Variants in RBPJ observed in about 807,000 individuals in gnomAD.
RBPJ encodes recombination signal binding protein for immunoglobulin kappa J region.
RBPJ carries 9 observed loss-of-function variants against 67.8 expected under a neutral mutation model. The ratio of observed to expected loss-of-function variants is 0.13; its 90% CI spans 0.08 to 0.23. RBPJ has a LOEUF of 0.23. RBPJ is among the 10% of genes least tolerant of loss of function. The pLI is 1.00. For synonymous variants in RBPJ, 198 were observed against 203.3 expected (o/e 0.97, Z 0.22); for missense variants, 305 against 595.6 (o/e 0.51, Z 5.08).
chr4:26,221,417 C>T (rs1344222638), intron 1 of RBPJ, among the ~76,000 whole-genome samples: 4 of 152,150 alleles, frequency 2.6e-5, no homozygotes, highest in Non-Finnish European at 5.9e-5. Flanking sequence ...GGGAAGAATT[C>T]TAGTTTGCTG....
chr4:26,237,313 AAC>A (rs1719484334), intron 1 of RBPJ, among the ~76,000 whole-genome samples: 1 of 152,070 alleles, frequency 6.6e-6, no homozygotes, highest in South Asian at 2.1e-4. Context: ...TGTCCTGGGA[AAC>A]ACTACTGCAA....
At chr4:26,425,863 C>T (rs1363957418) in intron 7 of RBPJ, among the ~76,000 whole-genome samples, 2 of 151,894 alleles carry the variant, frequency 1.3e-5, no homozygotes, top group African/African-American at 4.8e-5. Flanking sequence ...CTTTTTGGTG[C>T]AATATTCCAC....
intron 1 of RBPJ, among the ~76,000 whole-genome samples, chr4:26,183,807 T>C (rs1193606062): frequency 6.6e-6 from 1 of 151,976 alleles, no homozygotes; most frequent in Non-Finnish European, 1.5e-5. Context: ...GGTCAGGAGT[T>C]TGAGACCAGC....
chr4:26,239,302 A>G (rs1249589786), intron 1 of RBPJ, among the ~76,000 whole-genome samples: 1 of 152,210 alleles, frequency 6.6e-6, no homozygotes, highest in Non-Finnish European at 1.5e-5. Context: ...GAGCAGGTTT[A>G]AGGAACAATC....
intron 1 of RBPJ, among the ~76,000 whole-genome samples, chr4:26,292,660 G>A (rs1031050553): frequency 1.3e-5 from 2 of 150,388 alleles, no homozygotes; most frequent in Non-Finnish European, 3.0e-5. Flanking sequence ...GACCTCAAGT[G>A]AGCCACCTGC....
At chr4:26,409,592 T>A (rs1577638701) in intron 3 of RBPJ, among the ~76,000 whole-genome samples, 1 of 152,142 alleles carries the variant, frequency 6.6e-6, no homozygotes, top group Non-Finnish European at 1.5e-5. Flanking sequence ...CTCTGCCTCC[T>A]GGGTTCAAAT....
At chr4:26,301,074 T>C (rs554386077) in intron 1 of RBPJ, among the ~76,000 whole-genome samples, 61 of 152,346 alleles carry the variant, frequency 4.0e-4, no homozygotes, top group African/African-American at 1.5e-3. Context: ...GCTGATCCAA[T>C]GACTACTTTG....
At chr4:26,147,911 G>A in the RBPJ span, among the ~76,000 whole-genome samples, 3 of 152,192 alleles carry the variant, frequency 2.0e-5, no homozygotes, top group Non-Finnish European at 2.9e-5. Flanking sequence ...CTCAAAGTAT[G>A]GCTCCTGACC....
At chr4:26,419,675 C>A (rs1258666439) in intron 4 of RBPJ, among the ~76,000 whole-genome samples, 1 of 152,154 alleles carries the variant, frequency 6.6e-6, no homozygotes, top group East Asian at 1.9e-4. Flanking sequence ...GTTTCAGCAT[C>A]ATTTATCTTA....
At chr4:26,168,906 TG>T (rs1489281197) in intron 1 of RBPJ, among the ~76,000 whole-genome samples, 5 of 152,232 alleles carry the variant, frequency 3.3e-5, no homozygotes, top group Non-Finnish European at 7.3e-5. Context: ...TCTCAAGCCT[TG>T]GCTTTCAGCT....
rs73121171 is a variant in RBPJ at position 26,378,425 on chromosome 4, C to T, written c.21-7928C>T. On this transcript the variant is annotated intron_variant, in intron 1 of 10. Coordinates refer to ENST00000355476, the MANE Select transcript of RBPJ (RefSeq NM_015874.6). ...TTCATATGAGAAGTTAATGGAGACCCGTATTCTCACAGCTTACTTGTGCTG... is the reference window on the plus strand; with the variant it reads ...TTCATATGAGAAGTTAATGGAGACCTGTATTCTCACAGCTTACTTGTGCTG... 2.8e-3 allele frequency among the ~76,000 whole-genome samples: 425 copies of T among 152,120 alleles called. 1 individual carries two copies. The highest frequency in any genetic ancestry group is 9.8e-3 in the African/African-American group (408 of 41,504).
intron 1 of RBPJ, among the ~76,000 whole-genome samples, chr4:26,249,704 G>A (rs1264230482): frequency 6.6e-6 from 1 of 151,766 alleles, no homozygotes; most frequent in African/African-American, 2.4e-5. Context: ...TACTTTTGCT[G>A]CACCAACCTA....
chr4:26,281,641 G>C (rs947092830), intron 1 of RBPJ, among the ~76,000 whole-genome samples: 1 of 152,154 alleles, frequency 6.6e-6, no homozygotes, highest in Non-Finnish European at 1.5e-5. Flanking sequence ...AATGTTTGGT[G>C]TTTGAAAAGA....
the RBPJ span, chr4:26,111,815 ACATAT>A: frequency 6.2e-6 from 1 of 160,692 alleles, no homozygotes; most frequent in East Asian, 1.6e-4. Context: ...TAAGCTCAAC[ACATAT>A]CAGAGTGACA....
At chr4:26,111,431 C>A in the RBPJ span, among the ~76,000 whole-genome samples, 2 of 152,224 alleles carry the variant, frequency 1.3e-5, no homozygotes, top group Non-Finnish European at 2.9e-5. Flanking sequence ...CACTGGACTC[C>A]TCATCTCTTT....
Position 26,370,533 on chromosome 4 carries a change from A to G in RBPJ, c.21-15820A>G, listed in dbSNP as rs184327458. On this transcript the variant is annotated intron_variant, in intron 1 of 10. Transcript: ENST00000355476. ...AGACTCAACAAAACTACATCAGGGAATTTGTAAGGTGTATTGAGAGACTCC... is the reference window on the plus strand; with the variant it reads ...AGACTCAACAAAACTACATCAGGGAGTTTGTAAGGTGTATTGAGAGACTCC... Among the ~76,000 whole-genome samples the G allele has an allele frequency of 3.8e-3, 572 of 152,280 alleles. 4 individuals are homozygous for G. Among genetic ancestry groups the G allele is most frequent in the African/African-American group, 0.013 (547 of 41,564 alleles).
upstream of RBPJ, among the ~76,000 whole-genome samples, chr4:26,161,758 C>T (rs565222714): frequency 4.0e-4 from 61 of 152,318 alleles, 1 homozygote; most frequent in South Asian, 0.012. Flanking sequence ...TGGTACTAGA[C>T]GTTCACCCTT....
At chr4:26,259,050 C>G (rs920491941) in intron 1 of RBPJ, among the ~76,000 whole-genome samples, 2 of 152,082 alleles carry the variant, frequency 1.3e-5, no homozygotes, top group African/African-American at 4.8e-5. Context: ...GATCCACCCC[C>G]CTCAGACTCC....
chr4:26,215,525 C>T (rs1305543509), intron 1 of RBPJ, among the ~76,000 whole-genome samples: 1 of 152,132 alleles, frequency 6.6e-6, no homozygotes, highest in East Asian at 1.9e-4. Context: ...AGGACTCTTA[C>T]AGATGCTAAG....
Sources: gnomAD v4.1 joint callset for allele counts (sites outside exome capture counted in the v4.1 genomes callset) on GRCh38, gnomAD v4.1.1 for gene constraint, MANE v1.5 for transcripts, NCBI Gene and HGNC (gene_info 2026-07-23, HGNC 2026-07-21) for gene names.